FRK: variants seen among roughly 807,000 people sequenced by gnomAD.
FRK encodes the protein fyn related Src family tyrosine kinase.
Under a neutral mutation model 56.4 loss-of-function variants are expected in FRK, and 51 were observed. That is an observed-to-expected ratio of 0.90 (90% CI 0.72 to 1.14). The LOEUF is 1.14. FRK is among the 50% of genes most tolerant of loss of function. The pLI is 0.00. For missense variants in FRK, 570 were observed against 601.4 expected, an observed-to-expected ratio of 0.95 and a Z score of 0.55; for synonymous variants, 245 against 217.9, an observed-to-expected ratio of 1.12 and a Z score of -1.10.
intron 2 of FRK, among the ~76,000 whole-genome samples, chr6:116,000,223 C>CTTTCTTTT (rs1775002178): frequency 1.9e-5 from 1 of 53,120 alleles, no homozygotes. Context: ...ATCATTCTTT[C>CTTTCTTTT]TTTTTTTTTT....
At position 115,935,620 on chromosome 6, in the gene FRK, A is replaced by C. The variant is rs1054258646; in HGVS notation, c.*6794T>G. On this transcript the variant is annotated 3_prime_UTR_variant, in exon 8 of 8. Coordinates refer to ENST00000606080, the MANE Select transcript of FRK (RefSeq NM_002031.3). ...CTGGCTTGAAATCCTCATTGCAAGC[A>C]CAGCAGTCTGAGGTCGACCTGGGAC... 6.6e-6 allele frequency: 1 copy of C among 152,356 alleles called. No homozygotes were observed. The highest frequency in any genetic ancestry group is 2.4e-5 in the African/African-American group (1 of 41,472). The allele number at this position is 152,356 out of a possible 1,614,324, so 9.4% of individuals were successfully genotyped here.
intron 2 of FRK, among the ~76,000 whole-genome samples, chr6:115,988,929 T>A (rs1212607197): frequency 6.6e-6 from 1 of 151,970 alleles, no homozygotes; most frequent in East Asian, 1.9e-4. Flanking sequence ...CTGGATGCCC[T>A]CTTTCTGACT....
rs563543251 is a variant in FRK at position 115,983,344 on chromosome 6, C to G, written c.467-14605G>C. On this transcript the variant is annotated intron_variant, in intron 2 of 7. Transcript: ENST00000606080. Reference sequence around the variant, plus strand: ...TCCCTCTATTGTCAACCAGCAAGCACTTTTAGGCAGCTATCACAAGGCACT... The same window carrying G: ...TCCCTCTATTGTCAACCAGCAAGCAGTTTTAGGCAGCTATCACAAGGCACT... Among the ~76,000 whole-genome samples, 6 of 152,242 alleles carry G rather than the reference C, an allele frequency of 3.9e-5. No homozygotes were observed. In the East Asian group the frequency reaches 7.7e-4, roughly 20 times the overall value.
intron 2 of FRK, among the ~76,000 whole-genome samples, chr6:115,988,349 G>A (rs920746798): frequency 2.0e-5 from 3 of 151,838 alleles, no homozygotes. Flanking sequence ...ATAAAAACTA[G>A]GTGCCTAAAC....
At chr6:116,041,433 G>T (rs1325526824) in intron 1 of FRK, among the ~76,000 whole-genome samples, 1 of 152,150 alleles carries the variant, frequency 6.6e-6, no homozygotes, top group African/African-American at 2.4e-5. Flanking sequence ...AAGATTCCTT[G>T]AAGCATCTTG....
At chr6:116,007,188 C>A (rs1301601370) in intron 1 of FRK, among the ~76,000 whole-genome samples, 17 of 152,220 alleles carry the variant, frequency 1.1e-4, no homozygotes, top group Non-Finnish European at 4.4e-5. Context: ...ATCTAAATAT[C>A]TCTTTCATTA....
intron 2 of FRK, among the ~76,000 whole-genome samples, chr6:115,982,000 A>C (rs1361703672): frequency 1.3e-5 from 2 of 151,960 alleles, no homozygotes; most frequent in Non-Finnish European, 2.9e-5. Flanking sequence ...AAATTGACTG[A>C]GCTAAGAAAT....
chr6:115,977,434 G>C (rs1432891483), intron 2 of FRK, among the ~76,000 whole-genome samples: 2 of 152,104 alleles, frequency 1.3e-5, no homozygotes, highest in Non-Finnish European at 2.9e-5. Context: ...AGGGCGCTTG[G>C]CTCCCAACCA....
chr6:115,943,668 A>T (rs988910444), intron 6 of FRK, among the ~76,000 whole-genome samples: 1 of 152,114 alleles, frequency 6.6e-6, no homozygotes, highest in African/African-American at 2.4e-5. Flanking sequence ...AAAAGAAAAA[A>T]ATGATGAATT....
In FRK at chr6:115,944,301, G is replaced by A. The variant is rs139258980; in HGVS notation, c.1083C>T (p.Leu361=). The A allele has an allele frequency of 2.3e-4, 372 of 1,613,012 alleles. No individual in the cohort carries two copies. The highest frequency in any genetic ancestry group is 2.8e-4 in the Non-Finnish European group (335 of 1,179,612). Residue 361 remains leucine (L), a synonymous_variant, in exon 6 of 8, where the codon CTC becomes CTT. Coordinates refer to ENST00000606080, the MANE Select transcript of FRK (RefSeq NM_002031.3). ...IHRDLAARNV[L]VGEHNIYKVA... is the part of the protein sequence containing the mutation. The stretch of plus-strand genomic sequence containing the variant: ...CTTTGTAGATATTATGTTCACCAAC[G>A]AGGACATTTCTGGCAGCCAGATCTC...
At chr6:116,046,631 G>A (rs549151761) in intron 1 of FRK, among the ~76,000 whole-genome samples, 2 of 152,062 alleles carry the variant, frequency 1.3e-5, no homozygotes, top group Non-Finnish European at 2.9e-5. Flanking sequence ...GGGCCTGCAG[G>A]GGGGTAGGGG....
rs1195499536 is a variant in FRK at position 115,968,584 on chromosome 6, ATG to A, written c.620_621del (p.Pro207LeufsTer11). 1 of 1,610,908 alleles carries A rather than the reference ATG, an allele frequency of 6.2e-7. No homozygotes were observed. The highest frequency in any genetic ancestry group is 8.5e-7 in the Non-Finnish European group (1 of 1,179,050). On this transcript the variant is annotated frameshift_variant, in exon 3 of 8. Coordinates refer to ENST00000606080, the MANE Select transcript of FRK (RefSeq NM_002031.3). LOFTEE classifies it high-confidence loss of function. ...CTTGAAAGCATTTTCACCTTTAAGC[ATG>A]GTTTCCCCAGCTTGACACACAGGCC... ...SDGLCVKLGK[P>X]CLKIQVPAPF...
At chr6:116,075,409 C>G in the FRK span, among the ~76,000 whole-genome samples, 1 of 146,694 alleles carries the variant, frequency 6.8e-6, no homozygotes, top group African/African-American at 2.5e-5. Context: ...CCCAAAAAAG[C>G]TAATAGTATT....
At chr6:116,084,050 G>C in the FRK span, among the ~76,000 whole-genome samples, 5 of 152,100 alleles carry the variant, frequency 3.3e-5, no homozygotes. Context: ...GAAGGTGGTA[G>C]CAGTTTGATG....
chr6:116,061,776 C>G (rs1777632426), upstream of FRK, among the ~76,000 whole-genome samples: 1 of 151,620 alleles, frequency 6.6e-6, no homozygotes. Flanking sequence ...ACTGATCTCT[C>G]TATAAGACTT....
chr6:115,931,772 C>T lies in FRK; in HGVS notation c.*10642G>A, dbSNP rs1771962018. 1 of 152,142 alleles carries T rather than the reference C, an allele frequency of 6.6e-6. No homozygotes were observed. Among genetic ancestry groups the T allele is most frequent in the African/African-American group, 2.4e-5 (1 of 41,450 alleles). The allele number at this position is 152,142 out of a possible 1,614,324, so 9.4% of individuals were successfully genotyped here. A position where few individuals can be genotyped will look rare whatever the true frequency, so the allele number is the denominator to read the frequency against. On this transcript the variant is annotated 3_prime_UTR_variant, in exon 8 of 8. Transcript: ENST00000606080. ...AATTGAAGCCTCTATTCTAAAATAT[C>T]AGAAAATCATTATAAAGCAATATTT...
intron 1 of FRK, among the ~76,000 whole-genome samples, chr6:116,057,188 C>T (rs1227568587): frequency 6.6e-6 from 1 of 152,162 alleles, no homozygotes; most frequent in East Asian, 1.9e-4. Context: ...ATTGCCTACT[C>T]ATCCCATACA....
chr6:116,056,810 ATAAGATAAATC>A (rs1375948355), intron 1 of FRK, among the ~76,000 whole-genome samples: 1 of 152,250 alleles, frequency 6.6e-6, no homozygotes, highest in Non-Finnish European at 1.5e-5. Flanking sequence ...CAAGTCGAAG[ATAAGATAAATC>A]TAATGATTCT....
rs1241225508 is a variant in FRK, at chr6:115,961,427, C to A, written c.800-4817G>T. The stretch of plus-strand genomic sequence containing the variant: ...ACCAAATCTACGTCTGATTGGTGTA[C>A]CTAAAAGTGATGTGGAGAATGGAAC... On this transcript the variant is annotated intron_variant, in intron 4 of 7. Transcript: ENST00000606080. 1.3e-4 allele frequency among the ~76,000 whole-genome samples: 16 copies of A among 124,404 alleles called. No homozygotes were observed. In the East Asian group the frequency reaches 4.9e-3, roughly 38 times the overall value. 81.6% of individuals were successfully genotyped at this position (124,404 alleles called of 152,430 possible).
Sources: gnomAD v4.1 joint callset for allele counts (sites outside exome capture counted in the v4.1 genomes callset) on GRCh38, gnomAD v4.1.1 for gene constraint, MANE v1.5 for transcripts, NCBI Gene and HGNC (gene_info 2026-07-23, HGNC 2026-07-21) for gene names.